The following MAML3 variants were observed in gnomAD, a reference collection of about 807,000 sequenced individuals.
The protein encoded by MAML3 is mastermind like transcriptional coactivator 3.
A neutral mutation model predicts 101.9 loss-of-function variants in MAML3; 27 were observed. That is an observed-to-expected ratio of 0.27 (90% CI 0.20 to 0.37). MAML3 has a LOEUF of 0.37. MAML3 is among the 10% of genes least tolerant of loss of function. MAML3 has a pLI of 1.00. For missense variants in MAML3, 1,316 were observed against 1,444.9 expected (o/e 0.91, Z 1.45); for synonymous variants, 501 against 555.9 (o/e 0.90, Z 1.39).
At chr4:139,864,214 C>T (rs1731845944) in intron 2 of MAML3, among the ~76,000 whole-genome samples, 1 of 152,114 alleles carries the variant, frequency 6.6e-6, no homozygotes, top group Admixed American at 6.5e-5. Context: ...AGGTGGGTGA[C>T]AGGCAGGGAA....
chr4:140,060,365 C>CAAAAAAAAAA (rs70943471), intron 1 of MAML3, among the ~76,000 whole-genome samples: 1,456 of 19,078 alleles, frequency 0.076, 551 homozygotes, highest in African/African-American at 0.19. Flanking sequence ...GACTCTGTCT[C>CAAAAAAAAAA]AAAAAAAAAA....
In MAML3 at chr4:140,122,959, T is replaced by C. The variant is rs72935790; in HGVS notation, c.468+29901A>G. Among the ~76,000 whole-genome samples the C allele has an allele frequency of 7.2e-3, 1,099 of 152,296 alleles. 15 individuals are homozygous for C. The highest frequency in any genetic ancestry group is 0.024 in the African/African-American group (1,003 of 41,574). ...AGCTTTCCTGAAATACTTTTCTTAC[T>C]ATCTCATCCTATTTCCTACTCTCTA... On this transcript the variant is annotated intron_variant, in intron 1 of 4. Coordinates refer to ENST00000509479, the MANE Select transcript of MAML3 (RefSeq NM_018717.5).
intron 1 of MAML3, among the ~76,000 whole-genome samples, chr4:140,076,727 C>A (rs1397233289): frequency 6.6e-6 from 1 of 152,202 alleles, no homozygotes; most frequent in Admixed American, 6.5e-5. Context: ...TCTTTTCTGT[C>A]CCTTCTAACC....
chr4:139,891,058 T>C (rs751328879), intron 1 of MAML3, 91 bp from the exon 2 acceptor site: 51 of 1,408,948 alleles, frequency 3.6e-5, no homozygotes, highest in Middle Eastern at 1.9e-4. Flanking sequence ...GAACTAACTT[T>C]TAAGTGGTTT....
At chr4:140,076,332 A>C (rs1727765307) in intron 1 of MAML3, among the ~76,000 whole-genome samples, 2 of 152,140 alleles carry the variant, frequency 1.3e-5, no homozygotes, top group South Asian at 4.1e-4. Flanking sequence ...TACCATTTTA[A>C]TTTTGTACGT....
chr4:139,856,659 C>T (rs937812397), intron 2 of MAML3, among the ~76,000 whole-genome samples: 3 of 152,158 alleles, frequency 2.0e-5, no homozygotes, highest in Non-Finnish European at 2.9e-5. Flanking sequence ...ACACATAAGC[C>T]CTGAAAAGCT....
chr4:139,835,910 AT>A (rs1731248664), intron 2 of MAML3, among the ~76,000 whole-genome samples: 1 of 152,228 alleles, frequency 6.6e-6, no homozygotes, highest in African/African-American at 2.4e-5. Flanking sequence ...GGAAAAGAGA[AT>A]AACATTATAA....
At chr4:140,049,895 T>A (rs556465388) in intron 1 of MAML3, among the ~76,000 whole-genome samples, 3 of 150,120 alleles carry the variant, frequency 2.0e-5, no homozygotes, top group Non-Finnish European at 4.4e-5. Context: ...TTTTTTTTTT[T>A]AATTAGTCAA....
chr4:139,841,657 C>T (rs1022017197), intron 2 of MAML3, among the ~76,000 whole-genome samples: 2 of 152,184 alleles, frequency 1.3e-5, no homozygotes, highest in Non-Finnish European at 2.9e-5. Context: ...TTTTTACAAG[C>T]GCTGTGCACT....
At chr4:140,134,581 C>A (rs1472763573) in intron 1 of MAML3, 4 of 337,694 alleles carry the variant, frequency 1.2e-5, no homozygotes, top group Non-Finnish European at 2.3e-5. Context: ...AAAATATAAA[C>A]TCCGATGAGT....
intron 1 of MAML3, among the ~76,000 whole-genome samples, chr4:140,001,633 T>G (rs1484642344): frequency 6.6e-6 from 1 of 152,248 alleles, no homozygotes; most frequent in Non-Finnish European, 1.5e-5. Context: ...CCAAAGGTTT[T>G]ATTTTGTGTA....
In MAML3 at chr4:139,723,459, C is replaced by T. The variant is rs185135671; in HGVS notation, c.2416+2292G>A. Among the ~76,000 whole-genome samples the T allele has an allele frequency of 6.1e-4, 93 of 152,228 alleles. 1 individual carries two copies. The East Asian group carries it at 0.013, about 22-fold the overall frequency. ...CGGAGTAGCTGGGATTACAGGCATG[C>T]GCCACTATGCCTGGCTAATTTTTTG... On this transcript the variant is annotated intron_variant, in intron 4 of 4. Coordinates refer to ENST00000509479, the MANE Select transcript of MAML3 (RefSeq NM_018717.5).
chr4:139,733,893 T>C (rs1728823758), intron 2 of MAML3, among the ~76,000 whole-genome samples: 2 of 152,216 alleles, frequency 1.3e-5, no homozygotes, highest in Admixed American at 6.5e-5. Context: ...TGCCCATCTG[T>C]GTTGCCCAAG....
intron 1 of MAML3, among the ~76,000 whole-genome samples, chr4:140,057,801 C>T (rs1348035952): frequency 6.6e-6 from 1 of 152,024 alleles, no homozygotes; most frequent in Non-Finnish European, 1.5e-5. Flanking sequence ...TTCTTTTCTT[C>T]CTGTTCTCTG....
At chr4:139,830,107 T>C (rs1007826623) in intron 2 of MAML3, among the ~76,000 whole-genome samples, 2 of 152,176 alleles carry the variant, frequency 1.3e-5, no homozygotes, top group Admixed American at 6.5e-5. Context: ...TAGAGATAGA[T>C]TTCAGCTGAG....
intron 2 of MAML3, among the ~76,000 whole-genome samples, chr4:139,743,913 T>TTCA (rs1729238022): frequency 5.3e-5 from 8 of 152,204 alleles, no homozygotes; most frequent in Admixed American, 5.2e-4. Context: ...CTCATGTACA[T>TTCA]TCATGTACAG....
At chr4:140,000,473 C>G (rs1339805802) in intron 1 of MAML3, among the ~76,000 whole-genome samples, 1 of 152,170 alleles carries the variant, frequency 6.6e-6, no homozygotes, top group Non-Finnish European at 1.5e-5. Flanking sequence ...CATAAACGTA[C>G]TTGCCTGAGA....
At chr4:139,783,929 T>A (rs1411359891) in intron 2 of MAML3, among the ~76,000 whole-genome samples, 1 of 152,242 alleles carries the variant, frequency 6.6e-6, no homozygotes, top group Non-Finnish European at 1.5e-5. Context: ...ATTACGCATT[T>A]AGCGGTCTGT....
At chr4:139,824,710 TAATC>T (rs1449014986) in intron 2 of MAML3, among the ~76,000 whole-genome samples, 1 of 152,180 alleles carries the variant, frequency 6.6e-6, no homozygotes, top group Non-Finnish European at 1.5e-5. Context: ...CCTAGCAAAT[TAATC>T]TATTTTCCCC....
Sources: gnomAD v4.1 joint callset for allele counts (sites outside exome capture counted in the v4.1 genomes callset) on GRCh38, gnomAD v4.1.1 for gene constraint, MANE v1.5 for transcripts, NCBI Gene and HGNC (gene_info 2026-07-23, HGNC 2026-07-21) for gene names.